Variants in IQCM observed in about 807,000 individuals in gnomAD.
IQCM encodes the protein IQ domain-containing protein M.
A neutral mutation model predicts 57.6 loss-of-function variants in IQCM; 45 were observed. That is an observed-to-expected ratio of 0.78 (90% CI 0.62 to 1.00). The LOEUF is 1.00. IQCM is among the 50% of genes least tolerant of loss of function. IQCM has a pLI of 0.00. For synonymous variants in IQCM, 148 were observed against 158.9 expected (o/e 0.93, Z 0.51); for missense variants, 468 against 511.6 (o/e 0.91, Z 0.82).
At chr4:149,663,653 T>C (rs765853381) in intron 7 of IQCM, among the ~76,000 whole-genome samples, 11 of 152,234 alleles carry the variant, frequency 7.2e-5, no homozygotes, top group Non-Finnish European at 1.5e-4. Context: ...ATGTTGAATA[T>C]ACCATTCTCT....
chr4:149,353,012 G>T (rs991745543), intron 13 of IQCM, among the ~76,000 whole-genome samples: 1 of 152,100 alleles, frequency 6.6e-6, no homozygotes, highest in Non-Finnish European at 1.5e-5. Flanking sequence ...TTAATGACTT[G>T]AGGTGTTATA....
At position 149,554,480 on chromosome 4, in the gene IQCM, C is replaced by T. The variant is rs551252021; in HGVS notation, c.949-1193G>A. Among the ~76,000 whole-genome samples the T allele has an allele frequency of 1.0e-3, 154 of 151,978 alleles. 1 individual carries two copies. The highest frequency in any genetic ancestry group is 3.4e-3 in the African/African-American group (143 of 41,456). On this transcript the variant is annotated intron_variant, in intron 10 of 13. Coordinates refer to ENST00000636793, the MANE Select transcript of IQCM (RefSeq NM_001363507.2). ...TACAGGCACTCACCATCATGACCGGCTAATTTCTGTATTTTTGTAGAGGTG... is the reference window on the plus strand; with the variant it reads ...TACAGGCACTCACCATCATGACCGGTTAATTTCTGTATTTTTGTAGAGGTG...
intron 12 of IQCM, among the ~76,000 whole-genome samples, chr4:149,520,970 G>T (rs1305870575): frequency 1.3e-5 from 2 of 152,102 alleles, no homozygotes; most frequent in Non-Finnish European, 2.9e-5. Context: ...TGGCTTCTAT[G>T]CAGGATCCCA....
At chr4:149,637,747 G>T (rs750218975) in intron 7 of IQCM, among the ~76,000 whole-genome samples, 5 of 152,000 alleles carry the variant, frequency 3.3e-5, no homozygotes, top group Non-Finnish European at 5.9e-5. Context: ...AAAGACAAAG[G>T]TACCAAAGCA....
At chr4:149,809,818 T>C (rs925059279) in intron 2 of IQCM, among the ~76,000 whole-genome samples, 6 of 152,154 alleles carry the variant, frequency 3.9e-5, no homozygotes, top group African/African-American at 1.2e-4. Flanking sequence ...AAAACTGACA[T>C]TGACAATTTC....
At chr4:149,743,734 A>G (rs768018318) in intron 2 of IQCM, among the ~76,000 whole-genome samples, 7 of 152,198 alleles carry the variant, frequency 4.6e-5, no homozygotes, top group Admixed American at 1.3e-4. Context: ...GAGGTGCTCA[A>G]CAAAGGGCTG....
At chr4:149,740,348 C>T (rs78194242) in intron 3 of IQCM, among the ~76,000 whole-genome samples, 2,826 of 152,206 alleles carry the variant, frequency 0.019, 42 homozygotes, top group Non-Finnish European at 0.028. Flanking sequence ...TGTTTTGATG[C>T]TAAATGTGCT....
intron 9 of IQCM, among the ~76,000 whole-genome samples, chr4:149,571,114 A>G (rs1407664220): frequency 1.3e-5 from 2 of 152,080 alleles, no homozygotes. Context: ...AAAACAGAAT[A>G]CCATTTAATC....
intron 12 of IQCM, among the ~76,000 whole-genome samples, chr4:149,509,281 T>C (rs2149806054): frequency 6.6e-6 from 1 of 152,150 alleles, no homozygotes; most frequent in Non-Finnish European, 1.5e-5. Context: ...TCTTTTTTCT[T>C]TTTTCTTTTT....
chr4:149,355,509 T>C (rs933622464), intron 13 of IQCM, among the ~76,000 whole-genome samples: 53 of 151,614 alleles, frequency 3.5e-4, no homozygotes, highest in African/African-American at 1.3e-3. Flanking sequence ...TTTTTTGTCC[T>C]TGCGATAGTT....
At chr4:149,815,494 A>C (rs1774976133) in intron 1 of IQCM, 106 bp downstream of exon 1, 1 of 151,844 alleles carries the variant, frequency 6.6e-6, no homozygotes, top group African/African-American at 2.4e-5. Flanking sequence ...CTTTGAACAA[A>C]TTCCATGAGA....
chr4:149,385,752 A>G (rs1731380670), intron 13 of IQCM, among the ~76,000 whole-genome samples: 1 of 151,906 alleles, frequency 6.6e-6, no homozygotes. Flanking sequence ...TGTTAATTTT[A>G]CCCCCAAAAT....
intron 13 of IQCM, among the ~76,000 whole-genome samples, chr4:149,415,370 T>C (rs748504971): frequency 6.6e-6 from 1 of 152,208 alleles, no homozygotes; most frequent in Non-Finnish European, 1.5e-5. Flanking sequence ...ACTTCAGTTT[T>C]CTACTATGCA....
intron 12 of IQCM, among the ~76,000 whole-genome samples, chr4:149,435,386 A>G (rs1418486857): frequency 6.6e-6 from 1 of 152,082 alleles, no homozygotes. Context: ...ATTGTAGCAC[A>G]ATGAATTACT....
intron 12 of IQCM, among the ~76,000 whole-genome samples, chr4:149,548,152 A>T (rs1413953858): frequency 6.6e-6 from 1 of 152,288 alleles, no homozygotes; most frequent in Non-Finnish European, 1.5e-5. Context: ...ACTCAGCTTG[A>T]TGTAACTTAT....
chr4:149,667,413 A>G (rs1423237522), intron 7 of IQCM, among the ~76,000 whole-genome samples: 1 of 151,970 alleles, frequency 6.6e-6, no homozygotes, highest in Non-Finnish European at 1.5e-5. Context: ...CCACACAAAA[A>G]CCCTATCTGA....
chr4:149,421,320 C>T (rs1227278202), intron 13 of IQCM, among the ~76,000 whole-genome samples: 1 of 151,640 alleles, frequency 6.6e-6, no homozygotes, highest in Non-Finnish European at 1.5e-5. Flanking sequence ...AGATATGTGT[C>T]GAACTTACAC....
intron 9 of IQCM, among the ~76,000 whole-genome samples, chr4:149,576,232 A>G (rs956886135): frequency 6.6e-6 from 1 of 151,656 alleles, no homozygotes; most frequent in African/African-American, 2.4e-5. Context: ...GTTTTGGAGT[A>G]CAGATTATTT....
chr4:149,393,774 G>C (rs1732030253), intron 13 of IQCM, among the ~76,000 whole-genome samples: 1 of 151,830 alleles, frequency 6.6e-6, no homozygotes, highest in African/African-American at 2.4e-5. Flanking sequence ...AATGAGAATA[G>C]AGATAATTTT....
Sources: gnomAD v4.1 joint callset for allele counts (sites outside exome capture counted in the v4.1 genomes callset) on GRCh38, gnomAD v4.1.1 for gene constraint, MANE v1.5 for transcripts, NCBI Gene and HGNC (gene_info 2026-07-23, HGNC 2026-07-21) for gene names.